Variants in DST observed in about 807,000 individuals in gnomAD.
DST encodes the protein dystonin, also known as bullous pemphigoid antigen.
Under a neutral mutation model 875.2 loss-of-function variants are expected in DST, and 253 were observed. The observed-to-expected ratio is 0.29, with a 90% CI of 0.26 to 0.32. The LOEUF is 0.32. Among genes scored for constraint, DST ranks in the 10% least tolerant of loss-of-function variants. The pLI, the probability that DST is intolerant of heterozygous loss-of-function variation, is 1.00. For synonymous variants in DST, 3,124 were observed against 3,197.1 expected, an observed-to-expected ratio of 0.98 and a Z score of 0.77; for missense variants, 8,287 against 9,111.6, an observed-to-expected ratio of 0.91 and a Z score of 3.68.
At position 56,641,994 on chromosome 6, in the gene DST, C is replaced by A. The variant is rs369251416; in HGVS notation, c.1980G>T (p.Gln660His). ...NLLRQHVIDV[Q>H]ILIDGKYYQA... ...GGTAGTATTTTCCATCAATAAGAAT[C>A]TGTACATCAATTACATGCTGGCGTA... Residue 660 changes from glutamine to histidine, a missense_variant, in exon 17 of 104, where the codon CAG becomes CAT. Physicochemically the swap from Gln to His is conservative, Grantham distance 24. Coordinates refer to ENST00000680361, the MANE Select transcript of DST (RefSeq NM_001374736.1). 1.1e-5 allele frequency: 17 copies of A among 1,613,378 alleles called. No individual in the cohort carries two copies. In the African/African-American group the frequency reaches 1.7e-4, roughly 16 times the overall value.
intron 36 of DST, chr6:56,615,720 C>T: frequency 6.2e-7 from 1 of 1,614,098 alleles, no homozygotes; most frequent in Non-Finnish European, 8.5e-7. Flanking sequence ...TCTATAATAC[C>T]TACTTGGAGA....
intron 4 of DST, chr6:56,843,130 A>G: frequency 6.4e-7 from 1 of 1,569,006 alleles, no homozygotes; most frequent in Non-Finnish European, 8.7e-7. Context: ...GCAGCAGGGG[A>G]GAGGTAACCC....
At chr6:56,881,157 C>T (rs1782017864) in intron 3 of DST, among the ~76,000 whole-genome samples, 1 of 151,894 alleles carries the variant, frequency 6.6e-6, no homozygotes, top group South Asian at 2.1e-4. Flanking sequence ...CATAAAATAC[C>T]ATCTTTCTCA....
chr6:56,898,508 A>C (rs992884754), intron 3 of DST, among the ~76,000 whole-genome samples: 4 of 148,554 alleles, frequency 2.7e-5, no homozygotes, highest in Non-Finnish European at 1.5e-5. Flanking sequence ...AGAAGCAAAG[A>C]ATTAGCTAGA....
intron 10 of DST, among the ~76,000 whole-genome samples, chr6:56,660,250 G>C (rs1345794409): frequency 6.6e-6 from 1 of 152,152 alleles, no homozygotes; most frequent in Non-Finnish European, 1.5e-5. Context: ...GCACATGGCT[G>C]GGTTCATACA....
chr6:56,871,770 T>A (rs1334716884), intron 3 of DST: 22 of 150,414 alleles, frequency 1.5e-4, no homozygotes, highest in East Asian at 4.3e-4. Context: ...TAAATACAAT[T>A]AAAAGTAAAA....
intron 61 of DST, chr6:56,540,300 T>G (rs1172289675): frequency 6.6e-6 from 1 of 152,630 alleles, no homozygotes; most frequent in Non-Finnish European, 1.5e-5. Context: ...TGAAAGCCAT[T>G]GCAGACTGTG....
At chr6:56,578,003 G>A (rs1436478007) in intron 50 of DST, among the ~76,000 whole-genome samples, 1 of 152,036 alleles carries the variant, frequency 6.6e-6, no homozygotes, top group Non-Finnish European at 1.5e-5. Flanking sequence ...GATGTGCTTT[G>A]AGAAGTCTTC....
At chr6:56,667,828 T>TATATATATACAC (rs1554596727) in intron 10 of DST, among the ~76,000 whole-genome samples, 1 of 149,772 alleles carries the variant, frequency 6.7e-6, no homozygotes, top group African/African-American at 2.5e-5. Flanking sequence ...TATATATATA[T>TATATATATACAC]ACACACACAC....
Position 56,578,835 on chromosome 6 carries a change from T to A in DST, c.13006A>T (p.Asn4336Tyr). Residue 4336 changes from asparagine (N) to tyrosine (Y), a missense_variant, in exon 50 of 104, where the codon AAT (asparagine) becomes TAT (tyrosine). Asn to Tyr is a moderately radical substitution (Grantham distance 143). This residue lies in a region of DST where 1,513 missense variants were observed against 1,677.8 expected (regional missense o/e 0.90). Coordinates refer to ENST00000680361, the MANE Select transcript of DST (RefSeq NM_001374736.1). ...TTACCAAGTGTTTTCTGGATATCAT[T>A]CTTGGCTGGAAGTAAAGATCCCCTG... Reference protein sequence around the residue: ...DARGSLLPAKNDIQKTLDDIV... With the variant: ...DARGSLLPAKYDIQKTLDDIV... The A allele has an allele frequency of 6.2e-7, 1 of 1,612,238 alleles. No individual in the cohort carries two copies. The highest frequency in any genetic ancestry group is 8.5e-7 in the Non-Finnish European group (1 of 1,179,208).
At chr6:56,515,260 T>C (rs1025251301) in intron 72 of DST, among the ~76,000 whole-genome samples, 190 bp downstream of exon 72, 2 of 83,186 alleles carry the variant, frequency 2.4e-5, no homozygotes, top group African/African-American at 7.2e-5. Context: ...ACAACAAGTA[T>C]ATCCACATGA....
At position 56,553,668 on chromosome 6, in the gene DST, T is replaced by C; in HGVS notation, c.15137-13A>G. 6.2e-7 allele frequency: 1 copy of C among 1,601,088 alleles called. No homozygotes were observed. Among genetic ancestry groups the C allele is most frequent in the East Asian group, 2.2e-5 (1 of 44,804 alleles). On this transcript the variant is annotated splice_polypyrimidine_tract_variant and intron_variant, in intron 60 of 103. Coordinates refer to ENST00000680361, the MANE Select transcript of DST (RefSeq NM_001374736.1). ...TGGACATGATTCTCTAGAAATAAAATTACAAGATATGTTTATTTTACATCA... is the reference window on the plus strand; with the variant it reads ...TGGACATGATTCTCTAGAAATAAAACTACAAGATATGTTTATTTTACATCA...
intron 100 of DST, 136 bp from the exon 101 acceptor site, chr6:56,463,900 A>C (rs1410524678): frequency 1.1e-6 from 1 of 909,488 alleles, no homozygotes; most frequent in Admixed American, 1.7e-5. Flanking sequence ...TGCCATGCCA[A>C]CTCCAACTCA....
chr6:56,857,014 CTT>C (rs1214133088), intron 3 of DST, among the ~76,000 whole-genome samples: 18 of 143,676 alleles, frequency 1.3e-4, no homozygotes, highest in Non-Finnish European at 1.1e-4. Context: ...ATAGCAAGGT[CTT>C]TTTTTTTTTT....
chr6:56,693,416 A>G, intron 9 of DST: 1 of 1,081,866 alleles, frequency 9.2e-7, no homozygotes, highest in Non-Finnish European at 1.1e-6. Context: ...ATTACTGCTC[A>G]CTGTCAAATT....
intron 4 of DST, among the ~76,000 whole-genome samples, chr6:56,830,090 C>A (rs1276218821): frequency 1.3e-5 from 2 of 152,116 alleles, no homozygotes; most frequent in African/African-American, 4.8e-5. Context: ...CATATGACTT[C>A]TTTCTTATCT....
At chr6:56,631,412 A>C in intron 29 of DST, 23 bp from the exon 30 acceptor site, 1 of 1,606,914 alleles carries the variant, frequency 6.2e-7, no homozygotes, top group Non-Finnish European at 8.5e-7. Context: ...GAACAAACAA[A>C]GGTATCAGGC....
Position 56,605,580 on chromosome 6 carries a change from C to T in DST, c.9048G>A (p.Leu3016=), listed in dbSNP as rs539478030. The T allele has an allele frequency of 6.2e-7, 1 of 1,613,132 alleles. No individual in the cohort carries two copies. Among genetic ancestry groups the T allele is most frequent in the Admixed American group, 1.7e-5 (1 of 59,948 alleles). ...GATCTTTGTCAGTTACAGAGGCTAT[C>T]AATGACAAATGGCTTTCCTCAGCAG... ...GKPAEESHLS[L]IASVTDKDPQ... is the part of the protein sequence containing the mutation. The change falls in exon 40 of 104, where the codon TTG becomes TTA. Residue 3016 remains leucine, a synonymous_variant. Coordinates refer to ENST00000680361, the MANE Select transcript of DST (RefSeq NM_001374736.1).
Position 56,552,866 on chromosome 6 carries a change from T to C in DST, c.15926A>G (p.Asn5309Ser). ...HDSLGSQAYSNKYLTMLQTQQ... is the reference protein window; with the variant it reads ...HDSLGSQAYSSKYLTMLQTQQ... ...AGTTTGCAACATGGTCAGGTATTTG[T>C]TACTGTAAGCCTGGGATCCCAGCGA... Residue 5309 changes from asparagine to serine, a missense_variant, in exon 61 of 104, where the codon AAC (asparagine) becomes AGC (serine). Physicochemically the swap from Asn to Ser is conservative, Grantham distance 46. Coordinates refer to ENST00000680361, the MANE Select transcript of DST (RefSeq NM_001374736.1). 6.2e-7 allele frequency: 1 copy of C among 1,613,868 alleles called. No homozygotes were observed. Among genetic ancestry groups the C allele is most frequent in the Non-Finnish European group, 8.5e-7 (1 of 1,179,874 alleles).
Sources: gnomAD v4.1 joint callset for allele counts (sites outside exome capture counted in the v4.1 genomes callset) on GRCh38, gnomAD v4.1.1 for gene constraint, gnomAD v4.1.1 regional missense constraint, MANE v1.5 for transcripts, NCBI Gene and HGNC (gene_info 2026-07-23, HGNC 2026-07-21) for gene names.